SYNJ2: variants seen among roughly 807,000 people sequenced by gnomAD.
The protein encoded by SYNJ2 is synaptojanin 2, also known as polyphosphatidylinositol phosphatase SYNJ2.
A neutral mutation model predicts 141.3 loss-of-function variants in SYNJ2; 116 were observed. That is an observed-to-expected ratio of 0.82 (90% CI 0.71 to 0.96). The LOEUF (loss-of-function observed/expected upper bound fraction) is 0.96. Among genes scored for constraint, SYNJ2 ranks in the 40% least tolerant of loss-of-function variants. SYNJ2 has a pLI of 0.00. For synonymous variants in SYNJ2, 745 were observed against 777.7 expected, an observed-to-expected ratio of 0.96 and a Z score of 0.70; for missense variants, 1,873 against 1,934.8, an observed-to-expected ratio of 0.97 and a Z score of 0.60.
At position 158,084,234 on chromosome 6, in the gene SYNJ2, T is replaced by C. The variant is rs1782895368; in HGVS notation, c.3208+60T>C. ...GATGGAGTCAGCTCAGGACAGACTTTCCTTTTTCTCTTGGCGATTGGGCAC... is the reference window on the plus strand; with the variant it reads ...GATGGAGTCAGCTCAGGACAGACTTCCCTTTTTCTCTTGGCGATTGGGCAC... On this transcript the variant is annotated intron_variant, in intron 22 of 26. Coordinates refer to ENST00000355585, the MANE Select transcript of SYNJ2 (RefSeq NM_003898.4). This position sits in a 1 kb window ranked among gnomAD's most constrained non-coding sequence, Gnocchi z 5.0. The C allele has an allele frequency of 6.4e-6, 10 of 1,553,756 alleles. No individual in the cohort carries two copies. The highest frequency in any genetic ancestry group is 7.8e-6 in the Non-Finnish European group (9 of 1,148,796).
At chr6:158,078,086 T>C (rs1306565783) in intron 17 of SYNJ2, 78 bp from the exon 18 acceptor site, 2 of 932,980 alleles carry the variant, frequency 2.1e-6, no homozygotes, top group East Asian at 4.8e-5. Flanking sequence ...AGACCTCTAT[T>C]GTGGAAGTGT....
chr6:158,038,651 A>C (rs1370231041), intron 4 of SYNJ2, among the ~76,000 whole-genome samples: 1 of 152,140 alleles, frequency 6.6e-6, no homozygotes, highest in Non-Finnish European at 1.5e-5. Context: ...GCAAAGCCTG[A>C]CTGAGCCTGC....
At chr6:158,077,650 T>TAAAAAA (rs56028079) in intron 17 of SYNJ2, 6 of 128,214 alleles carry the variant, frequency 4.7e-5, no homozygotes, top group African/African-American at 1.4e-4. Flanking sequence ...AACTAGTACA[T>TAAAAAA]AAAAAAAAAA....
intron 4 of SYNJ2, among the ~76,000 whole-genome samples, chr6:158,041,511 C>T (rs896106348): frequency 5.9e-5 from 9 of 152,180 alleles, no homozygotes; most frequent in Non-Finnish European, 1.2e-4. Context: ...AACTTTGGAG[C>T]TCCTTTCTTC....
intron 14 of SYNJ2, among the ~76,000 whole-genome samples, chr6:158,069,918 C>A (rs1409098635): frequency 6.6e-6 from 1 of 152,198 alleles, no homozygotes; most frequent in East Asian, 1.9e-4. Context: ...AAGGGTGTTA[C>A]ATGATTGTCA....
At chr6:158,078,000 C>T in intron 17 of SYNJ2, 164 bp from the exon 18 acceptor site, 2 of 603,904 alleles carry the variant, frequency 3.3e-6, no homozygotes, top group Non-Finnish European at 6.0e-6. Context: ...ACCAAAGGCC[C>T]CAAAGCATCC....
chr6:158,022,337 G>C (rs1778821302), intron 2 of SYNJ2, among the ~76,000 whole-genome samples: 1 of 152,230 alleles, frequency 6.6e-6, no homozygotes, highest in South Asian at 2.1e-4. Context: ...TGCCAGCCCA[G>C]AGCCTTGTGG....
intron 1 of SYNJ2, among the ~76,000 whole-genome samples, chr6:157,987,505 G>T (rs1440581695): frequency 6.6e-6 from 1 of 152,056 alleles, no homozygotes; most frequent in Non-Finnish European, 1.5e-5. Flanking sequence ...AGGTTCAAGC[G>T]ATTCTCCTGC....
chr6:158,043,068 A>T lies in SYNJ2; in HGVS notation c.712-248A>T, dbSNP rs899736324. Among the ~76,000 whole-genome samples the T allele has an allele frequency of 2.0e-5, 3 of 152,046 alleles. No individual in the cohort carries two copies. Among genetic ancestry groups the T allele is most frequent in the African/African-American group, 7.3e-5 (3 of 41,378 alleles). On this transcript the variant is annotated intron_variant, in intron 4 of 26. Transcript: ENST00000355585. This position sits in a 1 kb window ranked among gnomAD's most constrained non-coding sequence, Gnocchi z 4.0. The stretch of plus-strand genomic sequence containing the variant: ...GCCCTAGAAGTGTGAATTCCCGGAG[A>T]CCCTGGGAGGCCCCAACCCCCAGCA...
chr6:157,986,730 C>A (rs1240482895), intron 1 of SYNJ2, among the ~76,000 whole-genome samples: 1 of 152,162 alleles, frequency 6.6e-6, no homozygotes, highest in African/African-American at 2.4e-5. Context: ...TGGCTTTTAG[C>A]CTTTAATTGT....
chr6:158,027,158 G>A lies in SYNJ2; in HGVS notation c.215-1598G>A. 1.0e-6 allele frequency: 1 copy of A among 985,442 alleles called. No individual in the cohort carries two copies. Among genetic ancestry groups the A allele is most frequent in the Non-Finnish European group, 1.2e-6 (1 of 829,936 alleles). The allele number at this position is 985,442 out of a possible 1,614,324, so 61.0% of individuals were successfully genotyped here. A position where few individuals can be genotyped will look rare whatever the true frequency, so the allele number is the denominator to read the frequency against. ...CCACAAGCAGCGCTCTTCTCCCTAT[G>A]AAGTGTGGTGAGGAAATTGGGGTGA... On this transcript the variant is annotated intron_variant, in intron 2 of 26. Coordinates refer to ENST00000355585, the MANE Select transcript of SYNJ2 (RefSeq NM_003898.4). This position sits in a 1 kb window ranked among gnomAD's most constrained non-coding sequence, Gnocchi z 4.6.
chr6:158,095,517 C>G (rs1328253368), intron 26 of SYNJ2, 101 bp from the exon 27 acceptor site: 2 of 1,412,756 alleles, frequency 1.4e-6, no homozygotes, highest in African/African-American at 2.9e-5. Flanking sequence ...AGAATGTCAG[C>G]TTGGTCTCAT....
intron 20 of SYNJ2, among the ~76,000 whole-genome samples, chr6:158,082,775 G>A (rs946784571): frequency 2.6e-5 from 4 of 152,140 alleles, no homozygotes; most frequent in African/African-American, 4.8e-5. Flanking sequence ...AGTTCTCGCC[G>A]AGTTACTTGA....
At chr6:158,069,385 G>T in intron 13 of SYNJ2, 148 bp from the exon 14 acceptor site, 1 of 1,036,576 alleles carries the variant, frequency 9.6e-7, no homozygotes, top group South Asian at 1.9e-5. Flanking sequence ...TCCAGTAGAA[G>T]AAGGAAAGCA....
chr6:158,083,495 A>T lies in SYNJ2; in HGVS notation c.2932A>T (p.Ile978Phe), dbSNP rs1297380714. The change falls in exon 21 of 27, where the codon ATC becomes TTC. Residue 978 changes from isoleucine to phenylalanine, a missense_variant. Transcript: ENST00000355585. ...KDWLKGLREE[I>F]IRKRDSMAPV... Reference sequence around the variant, plus strand: ...CTGGCTGAAAGGTTTGCGAGAGGAGATCATTCGGAAACGAGACAGCATGGC... The same window carrying T: ...CTGGCTGAAAGGTTTGCGAGAGGAGTTCATTCGGAAACGAGACAGCATGGC... 1.4e-5 allele frequency: 22 copies of T among 1,613,988 alleles called. No homozygotes were observed. The highest frequency in any genetic ancestry group is 1.9e-5 in the Non-Finnish European group (22 of 1,180,038).
At chr6:158,068,139 TTAA>T (rs1434951859) in intron 12 of SYNJ2, among the ~76,000 whole-genome samples, 2 of 120,688 alleles carry the variant, frequency 1.7e-5, no homozygotes, top group African/African-American at 5.8e-5. Context: ...ATTGTTTTAT[TTAA>T]AAAAAAAAAA....
intron 20 of SYNJ2, among the ~76,000 whole-genome samples, chr6:158,083,090 G>A (rs1437542690): frequency 3.9e-5 from 6 of 151,962 alleles, no homozygotes; most frequent in Admixed American, 6.6e-5. Flanking sequence ...TCACCACCAC[G>A]CCCAGCTAAT....
chr6:158,058,980 T>C (rs1181542982), intron 6 of SYNJ2, among the ~76,000 whole-genome samples: 1 of 152,218 alleles, frequency 6.6e-6, no homozygotes, highest in Non-Finnish European at 1.5e-5. Flanking sequence ...GTTCTAGATA[T>C]AATGGGAGGT....
At chr6:158,023,738 C>A (rs1250566615) in intron 2 of SYNJ2, among the ~76,000 whole-genome samples, 1 of 152,142 alleles carries the variant, frequency 6.6e-6, no homozygotes, top group Non-Finnish European at 1.5e-5. Flanking sequence ...AGGGACAGTT[C>A]AAAAGCTTGT....
Sources: allele counts gnomAD v4.1 joint callset (sites outside exome capture counted in the v4.1 genomes callset), GRCh38; gene constraint gnomAD v4.1.1; non-coding constraint Gnocchi (gnomAD v3.1); transcripts MANE v1.5; gene names NCBI Gene and HGNC (gene_info 2026-07-23, HGNC 2026-07-21).